Variants in SMAP2 observed in about 807,000 individuals in gnomAD.
SMAP2 encodes stromal membrane-associated protein 2.
SMAP2 carries 25 observed loss-of-function variants against 56.4 expected under a neutral mutation model. The observed-to-expected ratio is 0.44, with a 90% CI of 0.32 to 0.62. The LOEUF (loss-of-function observed/expected upper bound fraction) is 0.62, where lower values mean the gene tolerates loss of function less well. Among genes scored for constraint, SMAP2 ranks in the 20% least tolerant of loss-of-function variants. SMAP2 has a pLI of 0.04. For missense variants in SMAP2, 388 were observed against 545.6 expected, an observed-to-expected ratio of 0.71 and a Z score of 2.88; for synonymous variants, 157 against 181.7, an observed-to-expected ratio of 0.86 and a Z score of 1.09.
chr1:40,375,742 G>A (rs1484181151), intron 1 of SMAP2: 1 of 976,624 alleles, frequency 1.0e-6, no homozygotes, highest in Non-Finnish European at 1.2e-6. Flanking sequence ...GTCCTCATTT[G>A]ACAGATCTTG....
At chr1:40,413,124 C>T in intron 5 of SMAP2, 22 bp downstream of exon 5, 9 of 1,563,772 alleles carry the variant, frequency 5.8e-6, no homozygotes, top group Non-Finnish European at 7.9e-6. Context: ...AGTATTTGCA[C>T]TGTATGGACA....
At chr1:40,380,480 A>C (rs1017208268) in intron 1 of SMAP2, among the ~76,000 whole-genome samples, 5 of 151,326 alleles carry the variant, frequency 3.3e-5, no homozygotes, top group Non-Finnish European at 7.4e-5. Flanking sequence ...TATTCCTTAG[A>C]AATGAACTTT....
intron 1 of SMAP2, among the ~76,000 whole-genome samples, chr1:40,396,425 T>C (rs1041053729): frequency 3.3e-5 from 5 of 152,218 alleles, no homozygotes; most frequent in African/African-American, 1.2e-4. Flanking sequence ...TTTTCTAATT[T>C]TAAATTTCTT....
intron 6 of SMAP2, 26 bp from the exon 7 acceptor site, chr1:40,415,246 A>G (rs1182800428): frequency 6.4e-7 from 1 of 1,554,576 alleles, no homozygotes; most frequent in Non-Finnish European, 8.9e-7. Context: ...GCAGTGCTGC[A>G]TCTTAACTTC....
chr1:40,415,172 T>G, intron 6 of SMAP2, 100 bp from the exon 7 acceptor site: 2 of 848,708 alleles, frequency 2.4e-6, no homozygotes, highest in Admixed American at 4.1e-5. Flanking sequence ...GATTTCTAGG[T>G]CCATGAGCTT....
intron 1 of SMAP2, among the ~76,000 whole-genome samples, chr1:40,392,794 G>A (rs1644729432): frequency 6.6e-6 from 1 of 152,070 alleles, no homozygotes; most frequent in African/African-American, 2.4e-5. Flanking sequence ...GTCATACTAG[G>A]TTTTTAAAAA....
chr1:40,377,454 A>T (rs986202650), intron 1 of SMAP2, among the ~76,000 whole-genome samples: 1 of 152,310 alleles, frequency 6.6e-6, no homozygotes, highest in East Asian at 1.9e-4. Context: ...TCAGTGTGGG[A>T]AAGGAAACTG....
chr1:40,384,406 G>A (rs1378339055), intron 1 of SMAP2, among the ~76,000 whole-genome samples: 1 of 152,212 alleles, frequency 6.6e-6, no homozygotes, highest in Non-Finnish European at 1.5e-5. Context: ...TGTAAGGAAT[G>A]TTGCTGCTGC....
At chr1:40,401,905 T>C (rs1417422536) in intron 1 of SMAP2, among the ~76,000 whole-genome samples, 1 of 152,204 alleles carries the variant, frequency 6.6e-6, no homozygotes, top group African/African-American at 2.4e-5. Flanking sequence ...TCTACTTTTT[T>C]CATTTTCCCT....
intron 1 of SMAP2, among the ~76,000 whole-genome samples, chr1:40,349,675 C>T (rs1644402498): frequency 6.6e-6 from 1 of 152,098 alleles, no homozygotes; most frequent in Non-Finnish European, 1.5e-5. Flanking sequence ...CGTGCCACCA[C>T]ATCCAGCTAA....
At chr1:40,377,862 G>C (rs1644556902) in intron 1 of SMAP2, among the ~76,000 whole-genome samples, 2 of 152,084 alleles carry the variant, frequency 1.3e-5, no homozygotes, top group South Asian at 4.1e-4. Flanking sequence ...TATCCAGGGG[G>C]GATTGGTTCC....
intron 2 of SMAP2, among the ~76,000 whole-genome samples, chr1:40,366,326 C>T (rs1434386216): frequency 6.9e-6 from 1 of 144,174 alleles, no homozygotes; most frequent in Non-Finnish European, 1.5e-5. Flanking sequence ...GGCAGGCCAA[C>T]GTTCAGATTC....
At chr1:40,351,075 C>T (rs1228121101) in intron 1 of SMAP2, among the ~76,000 whole-genome samples, 1 of 152,198 alleles carries the variant, frequency 6.6e-6, no homozygotes, top group Non-Finnish European at 1.5e-5. Flanking sequence ...TTGTGCTTGT[C>T]CTACTCTCCT....
chr1:40,374,816 A>G lies in SMAP2; in HGVS notation c.103+593A>G, dbSNP rs1291921271. ...TGACTTTATTCTTCTGGATGTGTGC[A>G]GTGGGAAACTGCCTTATGCAGTGAC... On this transcript the variant is annotated intron_variant, in intron 1 of 9. Transcript: ENST00000372718. This position sits in a 1 kb window ranked among gnomAD's most constrained non-coding sequence, Gnocchi z 5.9. 3 of 1,548,838 alleles carry G rather than the reference A, an allele frequency of 1.9e-6. No individual in the cohort carries two copies. Among genetic ancestry groups the G allele is most frequent in the Non-Finnish European group, 2.6e-6 (3 of 1,146,036 alleles).
chr1:40,354,646 A>C (rs1167823975), intron 1 of SMAP2, among the ~76,000 whole-genome samples: 1 of 151,826 alleles, frequency 6.6e-6, no homozygotes, highest in Non-Finnish European at 1.5e-5. Flanking sequence ...CAAGTTTTTT[A>C]ATATAAGGTT....
intron 1 of SMAP2, among the ~76,000 whole-genome samples, chr1:40,354,709 A>G (rs1464003129): frequency 2.7e-5 from 4 of 149,866 alleles, no homozygotes; most frequent in Non-Finnish European, 5.9e-5. Flanking sequence ...CTTTAGTAGT[A>G]TAACTTGTGA....
chr1:40,393,430 G>C (rs546090675), intron 1 of SMAP2: 1 of 1,535,652 alleles, frequency 6.5e-7, no homozygotes, highest in East Asian at 2.4e-5. Flanking sequence ...GGGAAAGTGG[G>C]CAGAGCAAGA....
At chr1:40,353,054 C>T (rs1439174705) in intron 1 of SMAP2, among the ~76,000 whole-genome samples, 1 of 152,212 alleles carries the variant, frequency 6.6e-6, no homozygotes, top group African/African-American at 2.4e-5. Flanking sequence ...TTGCCCACAG[C>T]CATGTCCAGC....
intron 1 of SMAP2, among the ~76,000 whole-genome samples, chr1:40,388,137 A>G (rs209585): frequency 0.91 from 138,223 of 152,198 alleles, 63,024 homozygotes; most frequent in African/African-American, 0.98. Context: ...GCCTCCCCCC[A>G]CCTCTGTGGG....
Sources: allele counts gnomAD v4.1 joint callset (sites outside exome capture counted in the v4.1 genomes callset), GRCh38; gene constraint gnomAD v4.1.1; non-coding constraint Gnocchi (gnomAD v3.1); transcripts MANE v1.5; gene names NCBI Gene and HGNC (gene_info 2026-07-23, HGNC 2026-07-21).